Variants in PLPPR3 observed in about 807,000 individuals in gnomAD.
The protein encoded by PLPPR3 is phospholipid phosphatase-related protein type 3.
Under a neutral mutation model 27.3 loss-of-function variants are expected in PLPPR3, and 14 were observed. The ratio of observed to expected loss-of-function variants is 0.51; its 90% CI spans 0.34 to 0.80. The LOEUF (loss-of-function observed/expected upper bound fraction) is 0.80. Among genes scored for constraint, PLPPR3 ranks in the 30% least tolerant of loss-of-function variants. PLPPR3 has a pLI of 0.01. For missense variants in PLPPR3, 1,287 were observed against 1,056.9 expected (o/e 1.22, Z -3.02); for synonymous variants, 671 against 508.0 (o/e 1.32, Z -4.32).
rs775272920 is a variant in PLPPR3 at position 815,259 on chromosome 19, G to T, written c.330C>A (p.Ala110=). ...CGGCGTTGATGCTGCCCTCCGCCCC[G>T]GCGGGCCCCCCGGCACGGCCCCACA... The part of the protein sequence containing the change: ...SRLWGRAGGP[A]GAEGSINAGG... Residue 110 remains alanine (A), a synonymous_variant, in exon 4 of 8, where the codon GCC becomes GCA. Transcript: ENST00000520876. The T allele has an allele frequency of 1.3e-6, 2 of 1,568,506 alleles. No individual in the cohort carries two copies. The highest frequency in any genetic ancestry group is 4.8e-5 in the East Asian group (2 of 41,702).
In PLPPR3 at chr19:815,570, C is replaced by T. The variant is rs533712455; in HGVS notation, c.261+96G>A. 34 of 1,322,206 alleles carry T rather than the reference C, an allele frequency of 2.6e-5. No individual in the cohort carries two copies. The South Asian group carries it at 3.9e-4, about 15-fold the overall frequency. 81.9% of individuals were successfully genotyped at this position (1,322,206 alleles called of 1,614,324 possible). A position where few individuals can be genotyped will look rare whatever the true frequency, so the allele number is the denominator to read the frequency against. On this transcript the variant is annotated intron_variant, in intron 3 of 7. Transcript: ENST00000520876. The stretch of plus-strand genomic sequence containing the variant: ...CACAGGCCCCGGTGTGGATGTTCAC[C>T]GACAGGCCCCAGTGTGGATGTTCAC...
At chr19:816,534 C>CAA (rs2035060547) in intron 2 of PLPPR3, among the ~76,000 whole-genome samples, 63 of 59,704 alleles carry the variant, frequency 1.1e-3, no homozygotes, top group African/African-American at 6.3e-3. Flanking sequence ...CCACCCATGC[C>CAA]CCCAGTGGTA....
upstream of PLPPR3, among the ~76,000 whole-genome samples, chr19:823,450 A>AAAAAAAAACAAAAC (rs1555703878): frequency 1.2e-3 from 171 of 143,882 alleles, no homozygotes; most frequent in African/African-American, 1.9e-3. Flanking sequence ...TCAAAAAAAA[A>AAAAAAAAACAAAAC]AAAAAAAACA....
chr19:821,823 T>A lies in PLPPR3; in HGVS notation c.-27+92A>T, dbSNP rs2035151909. 1.7e-5 allele frequency: 5 copies of A among 293,960 alleles called. 1 individual carries two copies. 18.2% of individuals were successfully genotyped at this position (293,960 alleles called of 1,614,324 possible). A position where few individuals can be genotyped will look rare whatever the true frequency, so the allele number is the denominator to read the frequency against. On this transcript the variant is annotated intron_variant, in intron 1 of 7. Coordinates refer to ENST00000520876, the MANE Select transcript of PLPPR3 (RefSeq NM_001270366.2). Reference sequence around the variant, plus strand: ...CGGGGGGTCTCCGGGCGGGAGCCAGTCCCCGCGTGGTGGTGGGGGGCATCC... The same window carrying A: ...CGGGGGGTCTCCGGGCGGGAGCCAGACCCCGCGTGGTGGTGGGGGGCATCC...
At chr19:820,460 C>T (rs532291976) in intron 2 of PLPPR3, among the ~76,000 whole-genome samples, 1 of 152,092 alleles carries the variant, frequency 6.6e-6, no homozygotes, top group East Asian at 1.9e-4. Flanking sequence ...GCTGGGATTA[C>T]AAACATGACA....
At chr19:820,385 G>T (rs542932530) in intron 2 of PLPPR3, among the ~76,000 whole-genome samples, 4 of 152,158 alleles carry the variant, frequency 2.6e-5, no homozygotes, top group African/African-American at 9.6e-5. Flanking sequence ...GGATCTTGCT[G>T]TGTTGCCCAG....
chr19:817,425 A>T (rs1005296324), intron 2 of PLPPR3, among the ~76,000 whole-genome samples: 5 of 152,058 alleles, frequency 3.3e-5, no homozygotes, highest in African/African-American at 1.2e-4. Context: ...AGCGTGCACT[A>T]CCACACCTGG....
intron 3 of PLPPR3, 111 bp downstream of exon 3, chr19:815,555 G>C: frequency 8.1e-7 from 1 of 1,238,592 alleles, no homozygotes; most frequent in South Asian, 1.5e-5. Flanking sequence ...CACAGGCCCC[G>C]GTGTGGATGT....
Position 813,660 on chromosome 19 carries a change from A to G in PLPPR3, c.1067T>C (p.Val356Ala), listed in dbSNP as rs772581925. Reference sequence around the variant, plus strand: ...GGGGCTGCGCGGGGCCAGCAGGTCCACGTCCACGCTGGCGCGCTTCAGGCT... The same window carrying G: ...GGGGCTGCGCGGGGCCAGCAGGTCCGCGTCCACGCTGGCGCGCTTCAGGCT... ...LGSLKRASVD[V>A]DLLAPRSPMA... Residue 356 changes from valine to alanine, a missense_variant, in exon 8 of 8, where the codon GTG becomes GCG. By Grantham distance (64) the Val-to-Ala change is moderately conservative. Coordinates refer to ENST00000520876, the MANE Select transcript of PLPPR3 (RefSeq NM_001270366.2). This position sits in a 1 kb window ranked among gnomAD's most constrained non-coding sequence, Gnocchi z 4.1. The G allele has an allele frequency of 1.3e-6, 2 of 1,536,164 alleles. No homozygotes were observed. The highest frequency in any genetic ancestry group is 2.4e-5 in the South Asian group (2 of 83,918).
At chr19:814,012 C>T (rs910559522) in intron 7 of PLPPR3, 117 bp from the exon 8 acceptor site, 21 of 987,034 alleles carry the variant, frequency 2.1e-5, no homozygotes, top group Non-Finnish European at 2.8e-5. Flanking sequence ...AAGCTCTTGT[C>T]CAGTGGGACC....
chr19:821,718 C>T (rs972911833), intron 1 of PLPPR3, 133 bp from the exon 2 acceptor site: 3 of 437,588 alleles, frequency 6.9e-6, no homozygotes, highest in Non-Finnish European at 1.2e-5. Context: ...GTGGCCTCCC[C>T]GCGCCCCGGC....
chr19:819,809 C>T (rs755595929), intron 2 of PLPPR3, among the ~76,000 whole-genome samples: 12 of 152,032 alleles, frequency 7.9e-5, no homozygotes, highest in African/African-American at 1.7e-4. Flanking sequence ...TCACTAGAGC[C>T]GGTTTTCCTG....
Position 812,837 on chromosome 19 carries a change from G to C in PLPPR3, c.1890C>G (p.Gly630=). The C allele has an allele frequency of 8.9e-7, 1 of 1,117,900 alleles. No homozygotes were observed. The highest frequency in any genetic ancestry group is 1.1e-6 in the Non-Finnish European group (1 of 912,988). 69.2% of individuals were successfully genotyped at this position (1,117,900 alleles called of 1,614,324 possible). A position where few individuals can be genotyped will look rare whatever the true frequency, so the allele number is the denominator to read the frequency against. ...GGGACACGCCCGGGGGCTTGGCCCC[G>C]CCGCGGAAGCCGCGCGCCAGGTCCC... ...ELGDLARGFR[G]GAKPPGVSPG... is the part of the protein sequence containing the mutation. The change falls in exon 8 of 8, where the codon GGC becomes GGG. Residue 630 remains glycine (G), a synonymous_variant. Coordinates refer to ENST00000520876, the MANE Select transcript of PLPPR3 (RefSeq NM_001270366.2).
Position 815,231 on chromosome 19 carries a change from C to G in PLPPR3, c.358G>C (p.Gly120Arg). The G allele has an allele frequency of 6.3e-7, 1 of 1,592,766 alleles. No individual in the cohort carries two copies. The highest frequency in any genetic ancestry group is 1.3e-5 in the African/African-American group (1 of 74,306). The change falls in exon 4 of 8, where the codon GGC (glycine) becomes CGC (arginine). Residue 120 changes from glycine (G) to arginine (R), a missense_variant. Transcript: ENST00000520876. The part of the protein sequence containing the change: ...AGAEGSINAG[G>R]CNFNSFLRRT... Reference sequence around the variant, plus strand: ...CGCAGGAAGGAGTTGAAGTTGCAGCCGCCGGCGTTGATGCTGCCCTCCGCC... The same window carrying G: ...CGCAGGAAGGAGTTGAAGTTGCAGCGGCCGGCGTTGATGCTGCCCTCCGCC...
chr19:813,744 G>A lies in PLPPR3; in HGVS notation c.983C>T (p.Pro328Leu). The A allele has an allele frequency of 6.6e-7, 1 of 1,526,132 alleles. No homozygotes were observed. The highest frequency in any genetic ancestry group is 8.8e-7 in the Non-Finnish European group (1 of 1,142,534). 94.5% of individuals were successfully genotyped at this position (1,526,132 alleles called of 1,614,324 possible). The change falls in exon 8 of 8, where the codon CCC becomes CTC. Residue 328 changes from proline (P) to leucine (L), a missense_variant. By Grantham distance (98) the Pro-to-Leu change is moderately conservative. Transcript: ENST00000520876. The surrounding 1 kb of genome is among the most constrained non-coding windows in gnomAD (Gnocchi z 4.1). ...NKSVSTDELGPPGRLEGAPRP... is the reference protein window; with the variant it reads ...NKSVSTDELGLPGRLEGAPRP... Reference sequence around the variant, plus strand: ...GGGCGCGCCCTCCAGCCGCCCTGGGGGCCCCAGCTCGTCGGTGCTCACCGA... The same window carrying A: ...GGGCGCGCCCTCCAGCCGCCCTGGGAGCCCCAGCTCGTCGGTGCTCACCGA...
chr19:823,644 TC>T (rs1386241103), upstream of PLPPR3, among the ~76,000 whole-genome samples: 8 of 152,166 alleles, frequency 5.3e-5, no homozygotes, highest in Non-Finnish European at 1.0e-4. Context: ...CAGCCCAGCT[TC>T]CTGGGACAGG....
chr19:815,499 GTGGA>G (rs965158192), intron 3 of PLPPR3, among the ~76,000 whole-genome samples, 163 bp downstream of exon 3: 21 of 150,856 alleles, frequency 1.4e-4, no homozygotes, highest in Non-Finnish European at 2.2e-4. Flanking sequence ...AGGCCCCGGT[GTGGA>G]TGTTCACCGA....
intron 2 of PLPPR3, among the ~76,000 whole-genome samples, chr19:820,623 G>A (rs756797226): frequency 5.9e-5 from 9 of 152,040 alleles, no homozygotes; most frequent in Non-Finnish European, 1.2e-4. Context: ...GGGTTCAAGC[G>A]ATTCTCCTGC....
chr19:812,516 G>T lies in PLPPR3; in HGVS notation c.*54C>A, dbSNP rs887542120. ...GTTTCTGCCGCTTTATTGAGCATCC[G>T]CGCGGCCGCCCGCGCCCTCGGCCCG... On this transcript the variant is annotated 3_prime_UTR_variant, in exon 8 of 8. Coordinates refer to ENST00000520876, the MANE Select transcript of PLPPR3 (RefSeq NM_001270366.2). 6 of 988,290 alleles carry T rather than the reference G, an allele frequency of 6.1e-6. No homozygotes were observed. The highest frequency in any genetic ancestry group is 7.2e-6 in the Non-Finnish European group (6 of 831,412). 61.2% of individuals were successfully genotyped at this position (988,290 alleles called of 1,614,324 possible). A position where few individuals can be genotyped will look rare whatever the true frequency, so the allele number is the denominator to read the frequency against.
Sources: allele counts gnomAD v4.1 joint callset (sites outside exome capture counted in the v4.1 genomes callset), GRCh38; gene constraint gnomAD v4.1.1; non-coding constraint Gnocchi (gnomAD v3.1); transcripts MANE v1.5; gene names NCBI Gene and HGNC (gene_info 2026-07-23, HGNC 2026-07-21).